PANX3: variants seen among roughly 807,000 people sequenced by gnomAD.
The protein encoded by PANX3 is pannexin-3.
PANX3 carries 18 observed loss-of-function variants against 31.5 expected under a neutral mutation model. The ratio of observed to expected loss-of-function variants is 0.57; its 90% confidence interval spans 0.39 to 0.85. PANX3 has a LOEUF of 0.85. Among genes scored for constraint, PANX3 ranks in the 40% least tolerant of loss-of-function variants. The probability of loss-of-function intolerance (pLI) is 0.00; values close to 1 mark genes in which losing one functional copy is unlikely to be tolerated. For missense variants in PANX3, 426 were observed against 485.4 expected (o/e 0.88, Z 1.15); for synonymous variants, 194 against 201.6 (o/e 0.96, Z 0.32).
At chr11:124,617,106 C>T (rs988797328) in intron 2 of PANX3, among the ~76,000 whole-genome samples, 168 bp from the exon 3 acceptor site, 1 of 152,228 alleles carries the variant, frequency 6.6e-6, no homozygotes, top group African/African-American at 2.4e-5. Flanking sequence ...CGCCTGTACT[C>T]AGCCAGGTCA....
chr11:124,617,507 C>G lies in PANX3; in HGVS notation c.539+19C>G. 6.2e-7 allele frequency: 1 copy of G among 1,606,982 alleles called. No homozygotes were observed. Among genetic ancestry groups the G allele is most frequent in the African/African-American group, 1.3e-5 (1 of 74,872 alleles). On this transcript the variant is annotated intron_variant, in intron 3 of 3. Transcript: ENST00000284288. ...TGGAGAAGTGAGTTGTCTCTTCCAC[C>G]TTTTTCTGAGAAATTCAGTCAAGCA...
intron 3 of PANX3, among the ~76,000 whole-genome samples, chr11:124,618,528 C>G (rs1448012524): frequency 6.6e-6 from 1 of 152,188 alleles, no homozygotes; most frequent in Admixed American, 6.5e-5. Context: ...TTACATGTAC[C>G]TGAACACCAA....
chr11:124,615,873 G>A (rs1863147744), intron 2 of PANX3, among the ~76,000 whole-genome samples: 1 of 152,120 alleles, frequency 6.6e-6, no homozygotes, highest in East Asian at 1.9e-4. Flanking sequence ...GTAGCCGGGT[G>A]TGGTAGTGAG....
At position 124,619,854 on chromosome 11, in the gene PANX3, T is replaced by G. The variant is rs1863196952; in HGVS notation, c.1098T>G (p.Val366=). Reference sequence around the variant, plus strand: ...AGAAGCACAATATTGACACAGTAGTTGATTTTATGACTTTATTGGCTGGCT... The same window carrying G: ...AGAAGCACAATATTGACACAGTAGTGGATTTTATGACTTTATTGGCTGGCT... ...TTQKHNIDTV[V]DFMTLLAGLE... is the part of the protein sequence containing the mutation. The change falls in exon 4 of 4, where the codon GTT becomes GTG. Residue 366 remains valine (V), a synonymous_variant. Coordinates refer to ENST00000284288, the MANE Select transcript of PANX3 (RefSeq NM_052959.3). 1 of 1,613,904 alleles carries G rather than the reference T, an allele frequency of 6.2e-7. No individual in the cohort carries two copies. The highest frequency in any genetic ancestry group is 8.5e-7 in the Non-Finnish European group (1 of 1,179,996).
chr11:124,618,321 C>T (rs1409491910), intron 3 of PANX3, among the ~76,000 whole-genome samples: 1 of 152,220 alleles, frequency 6.6e-6, no homozygotes, highest in Non-Finnish European at 1.5e-5. Flanking sequence ...GCCCAGATTT[C>T]AGCCAATATT....
chr11:124,613,600 A>G (rs1863119474), intron 2 of PANX3, among the ~76,000 whole-genome samples: 1 of 152,102 alleles, frequency 6.6e-6, no homozygotes, highest in African/African-American at 2.4e-5. Context: ...TGGACCCAAG[A>G]GCAGAGTTTA....
At position 124,619,655 on chromosome 11, in the gene PANX3, G is replaced by A. The variant is rs374367993; in HGVS notation, c.899G>A (p.Arg300Gln). ...NLTRLCRWDK[R>Q]LLSVYEMLPA... is the part of the protein sequence containing the mutation. Reference sequence around the variant, plus strand: ...ACACGGCTATGTCGGTGGGACAAACGACTTTTATCTGTCTATGAGATGCTC... The same window carrying A: ...ACACGGCTATGTCGGTGGGACAAACAACTTTTATCTGTCTATGAGATGCTC... Residue 300 changes from arginine to glutamine, a missense_variant, in exon 4 of 4, where the codon CGA (arginine) becomes CAA (glutamine). By Grantham distance (43) the Arg-to-Gln change is conservative. Transcript: ENST00000284288. The A allele has an allele frequency of 5.7e-5, 92 of 1,613,916 alleles. 1 individual carries two copies. The highest frequency in any genetic ancestry group is 1.8e-4 in the South Asian group (16 of 91,052).
rs1311471931 is a variant in PANX3 at position 124,616,513 on chromosome 11, GGA to G, written c.325-760_325-759del. On this transcript the variant is annotated intron_variant, in intron 2 of 3. Transcript: ENST00000284288. The surrounding 1 kb of genome is among the most constrained non-coding windows in gnomAD (Gnocchi z 4.8). ...TTTCATTCTGAGGTACTGAGAATTA[GGA>G]CTTCAAGGTATGAATGGAGGGAGGT... 6.6e-6 allele frequency among the ~76,000 whole-genome samples: 1 copy of G among 152,128 alleles called. No individual in the cohort carries two copies. The highest frequency in any genetic ancestry group is 2.4e-5 in the African/African-American group (1 of 41,430).
At position 124,619,993 on chromosome 11, in the gene PANX3, A is replaced by G. The variant is rs1350331620; in HGVS notation, c.*58A>G. 3 of 1,523,418 alleles carry G rather than the reference A, an allele frequency of 2.0e-6. No homozygotes were observed. 94.4% of individuals were successfully genotyped at this position (1,523,418 alleles called of 1,614,324 possible). A position where few individuals can be genotyped will look rare whatever the true frequency, so the allele number is the denominator to read the frequency against. ...AAGTCTCTCTCCTTCCTCATAAGACATGCACACTAATACACATACACACCA... is the reference window on the plus strand; with the variant it reads ...AAGTCTCTCTCCTTCCTCATAAGACGTGCACACTAATACACATACACACCA... On this transcript the variant is annotated 3_prime_UTR_variant, in exon 4 of 4. Coordinates refer to ENST00000284288, the MANE Select transcript of PANX3 (RefSeq NM_052959.3).
At chr11:124,617,172 C>T in intron 2 of PANX3, 102 bp from the exon 3 acceptor site, 1 of 994,988 alleles carries the variant, frequency 1.0e-6, no homozygotes, top group East Asian at 2.6e-5. Flanking sequence ...CAGCCTTCCC[C>T]TGCTGAGGCA....
chr11:124,617,944 C>T (rs905095964), intron 3 of PANX3, among the ~76,000 whole-genome samples: 9 of 152,222 alleles, frequency 5.9e-5, no homozygotes, highest in Non-Finnish European at 1.2e-4. Flanking sequence ...CATTCCTCCA[C>T]CTGCATACAG....
In PANX3 at chr11:124,617,343, G is replaced by A. The variant is rs1228442349; in HGVS notation, c.394G>A (p.Ala132Thr). The A allele has an allele frequency of 1.2e-6, 2 of 1,612,558 alleles. No individual in the cohort carries two copies. Among genetic ancestry groups the A allele is most frequent in the Non-Finnish European group, 8.5e-7 (1 of 1,180,044 alleles). Reference sequence around the variant, plus strand: ...GCCGGTGCTGCTGTGGCAGTATGCAGCTGTGCCAGCCCTCAGCTCCGATCT... The same window carrying A: ...GCCGGTGCTGCTGTGGCAGTATGCAACTGTGCCAGCCCTCAGCTCCGATCT... ...YLPVLLWQYA[A>T]VPALSSDLLF... Residue 132 changes from alanine (A) to threonine (T), a missense_variant, in exon 3 of 4, where the codon GCT becomes ACT. Transcript: ENST00000284288.
chr11:124,619,473 A>G lies in PANX3; in HGVS notation c.717A>G (p.Glu239=). The G allele has an allele frequency of 6.2e-7, 1 of 1,614,214 alleles. No individual in the cohort carries two copies. The change falls in exon 4 of 4, where the codon GAA becomes GAG. Residue 239 remains glutamate (E), a synonymous_variant. Coordinates refer to ENST00000284288, the MANE Select transcript of PANX3 (RefSeq NM_052959.3). ...HFHLDVFFQE[E]FSCSIKTGLL... The stretch of plus-strand genomic sequence containing the variant: ...ATCTGGATGTCTTCTTCCAGGAAGA[A>G]TTCAGCTGCTCCATCAAGACAGGGC...
In PANX3 at chr11:124,620,151, A is replaced by G. The variant is rs1863200757; in HGVS notation, c.*216A>G. Reference sequence around the variant, plus strand: ...GTGAAAGCTGGAGCCGAAGAGTCAAAGAGCTAAAAAATTAAGTCTAGAACA... The same window carrying G: ...GTGAAAGCTGGAGCCGAAGAGTCAAGGAGCTAAAAAATTAAGTCTAGAACA... On this transcript the variant is annotated 3_prime_UTR_variant, in exon 4 of 4. Coordinates refer to ENST00000284288, the MANE Select transcript of PANX3 (RefSeq NM_052959.3). 1.7e-6 allele frequency: 1 copy of G among 574,536 alleles called. No homozygotes were observed. Among genetic ancestry groups the G allele is most frequent in the Non-Finnish European group, 2.9e-6 (1 of 341,054 alleles). The allele number at this position is 574,536 out of a possible 1,614,324, so 35.6% of individuals were successfully genotyped here.
chr11:124,617,611 A>G lies in PANX3; in HGVS notation c.539+123A>G. On this transcript the variant is annotated intron_variant, in intron 3 of 3. Coordinates refer to ENST00000284288, the MANE Select transcript of PANX3 (RefSeq NM_052959.3). ...CTCAAGAAGGCAAAGTGCTTAACACATCATCTCATTAACTTTCTATTGTTT... is the reference window on the plus strand; with the variant it reads ...CTCAAGAAGGCAAAGTGCTTAACACGTCATCTCATTAACTTTCTATTGTTT... 3 of 881,086 alleles carry G rather than the reference A, an allele frequency of 3.4e-6. No individual in the cohort carries two copies. In the South Asian group the frequency reaches 4.7e-5, roughly 14 times the overall value. 54.6% of individuals were successfully genotyped at this position (881,086 alleles called of 1,614,324 possible).
intron 2 of PANX3, among the ~76,000 whole-genome samples, chr11:124,615,058 A>C (rs973960857): frequency 6.6e-6 from 1 of 151,872 alleles, no homozygotes; most frequent in African/African-American, 2.4e-5. Flanking sequence ...TTTCTTGTTT[A>C]ATTCAGAAAA....
chr11:124,613,963 C>T (rs1326960678), intron 2 of PANX3, among the ~76,000 whole-genome samples: 2 of 152,010 alleles, frequency 1.3e-5, no homozygotes, highest in South Asian at 2.1e-4. Context: ...TTATTGTCAT[C>T]CTAGTGGGGT....
chr11:124,611,563 C>A lies in PANX3; in HGVS notation c.7C>A (p.Leu3Ile), dbSNP rs775667741. The change falls in exon 1 of 4, where the codon CTT (leucine) becomes ATT (isoleucine). Residue 3 changes from leucine to isoleucine, a missense_variant. By Grantham distance (5) the Leu-to-Ile change is conservative. Transcript: ENST00000284288. Reference protein sequence around the residue: MSLAHTAAEYMLS... With the variant: MSIAHTAAEYMLS... The stretch of plus-strand genomic sequence containing the variant: ...CCCCAAGCTCAGCAGCATCATGTCA[C>A]TTGCACACACAGCTGCAGAGTACAT... 4.3e-6 allele frequency: 7 copies of A among 1,611,788 alleles called. No homozygotes were observed. Among genetic ancestry groups the A allele is most frequent in the Non-Finnish European group, 8.5e-7 (1 of 1,178,524 alleles).
chr11:124,615,957 T>C (rs890429398), intron 2 of PANX3, among the ~76,000 whole-genome samples: 4 of 152,010 alleles, frequency 2.6e-5, no homozygotes, highest in African/African-American at 9.7e-5. Context: ...GAGCTTGCAG[T>C]GAGCAGAGAT....
Sources: gnomAD v4.1 joint callset for allele counts (sites outside exome capture counted in the v4.1 genomes callset) on GRCh38, gnomAD v4.1.1 for gene constraint, Gnocchi (gnomAD v3.1) non-coding constraint, MANE v1.5 for transcripts, NCBI Gene and HGNC (gene_info 2026-07-23, HGNC 2026-07-21) for gene names.